Variants in TGM5 observed in about 807,000 individuals in gnomAD.
TGM5 encodes protein-glutamine gamma-glutamyltransferase 5.
In TGM5, 69 loss-of-function variants were observed where a neutral mutation model predicts 77.2. That is an observed-to-expected ratio of 0.89 (90% CI 0.74 to 1.09). TGM5 has a LOEUF of 1.09. Among genes scored for constraint, TGM5 ranks in the 50% least tolerant of loss-of-function variants. The pLI, the probability that TGM5 is intolerant of heterozygous loss-of-function variation, is 0.00. For synonymous variants in TGM5, 346 were observed against 351.8 expected (o/e 0.98, Z 0.18); for missense variants, 842 against 896.5 (o/e 0.94, Z 0.78).
rs777533545 is a variant in TGM5, at chr15:43,240,819, G to A, written c.1001+33C>T. On this transcript the variant is annotated intron_variant, in intron 7 of 12. Coordinates refer to ENST00000220420, the MANE Select transcript of TGM5 (RefSeq NM_201631.4). ...CCATGGGGCTTGGCTCTGATGTGTG[G>A]CCCTAGAAATAGGTTGAGAGGTTGT... 3.1e-6 allele frequency: 5 copies of A among 1,613,520 alleles called. No individual in the cohort carries two copies. The Admixed American group carries it at 6.7e-5, about 22-fold the overall frequency.
chr15:43,255,972 T>G (rs2042739539), intron 4 of TGM5, among the ~76,000 whole-genome samples: 1 of 152,264 alleles, frequency 6.6e-6, no homozygotes, highest in African/African-American at 2.4e-5. Context: ...GTATCCATTT[T>G]TGTAATGTCT....
At position 43,235,777 on chromosome 15, in the gene TGM5, AAGCTTCTAGCCTTC is replaced by A; in HGVS notation, c.1392_1405del (p.Lys465ProfsTer34). On this transcript the variant is annotated frameshift_variant, in exon 10 of 13. Transcript: ENST00000220420. LOFTEE classifies it high-confidence loss of function. ...CTCTGCTCCTCTTTGGGAGCCATGG[AAGCTTCTAGCCTTC>A]AGCTTCTGCAGAGCCTTCAGAAACA... 6.2e-7 allele frequency: 1 copy of A among 1,614,120 alleles called. No individual in the cohort carries two copies. Among genetic ancestry groups the A allele is most frequent in the Non-Finnish European group, 8.5e-7 (1 of 1,180,010 alleles).
rs138702942 is a variant in TGM5, at chr15:43,234,840, C to G, written c.1804G>C (p.Glu602Gln). The G allele has an allele frequency of 6.2e-7, 1 of 1,614,096 alleles. No homozygotes were observed. The highest frequency in any genetic ancestry group is 8.5e-7 in the Non-Finnish European group (1 of 1,180,052). ...AGGATTTTCTCAGGACTGCTTTTCT[C>G]TTCACCCAGGGCACTGATGCGGATC... ...KLIRISALGE[E>Q]KSSPEKILVN... Residue 602 changes from glutamate (E) to glutamine (Q), a missense_variant, in exon 11 of 13, where the codon GAG (glutamate) becomes CAG (glutamine). By Grantham distance (29) the Glu-to-Gln change is conservative (BLOSUM62 2). Around this residue, in one of 2 missense-constraint regions of TGM5, gnomAD observed 815 missense variants for 844.6 expected, o/e 0.96. Coordinates refer to ENST00000220420, the MANE Select transcript of TGM5 (RefSeq NM_201631.4).
intron 6 of TGM5, 103 bp from the exon 7 acceptor site, chr15:43,241,093 CT>C (rs1352823675): frequency 1.4e-6 from 2 of 1,476,182 alleles, no homozygotes; most frequent in Non-Finnish European, 9.3e-7. Flanking sequence ...CATTTGCCAT[CT>C]GCAGGAACAT....
In TGM5 at chr15:43,235,471, T is replaced by A; in HGVS notation, c.1712A>T (p.Glu571Val). The part of the protein sequence containing the change: ...DTAFITLSPK[E>V]AKTYPCKISY... ...ACACAAACTGTGCACATGCGTACCTTCTTTAGGAGAGAGTGTGATGAACGC... is the reference window on the plus strand; with the variant it reads ...ACACAAACTGTGCACATGCGTACCTACTTTAGGAGAGAGTGTGATGAACGC... Residue 571 changes from glutamate to valine, a missense_variant and splice_region_variant, in exon 10 of 13, where the codon GAA (glutamate) becomes GTA (valine). By Grantham distance (121) the Glu-to-Val change is moderately radical (BLOSUM62 -2). This residue lies in a region of TGM5 where 815 missense variants were observed against 844.6 expected (regional missense o/e 0.96). Transcript: ENST00000220420. 1 of 1,614,088 alleles carries A rather than the reference T, an allele frequency of 6.2e-7. No homozygotes were observed. The highest frequency in any genetic ancestry group is 8.5e-7 in the Non-Finnish European group (1 of 1,180,008).
At chr15:43,249,379 AT>A (rs2042689591) in intron 6 of TGM5, among the ~76,000 whole-genome samples, 1 of 152,176 alleles carries the variant, frequency 6.6e-6, no homozygotes. Context: ...ACTCCAAAAC[AT>A]TTTCACCTCA....
chr15:43,241,754 C>G (rs144823602), intron 6 of TGM5, among the ~76,000 whole-genome samples: 1 of 152,242 alleles, frequency 6.6e-6, no homozygotes, highest in African/African-American at 2.4e-5. Context: ...CTGCCTCAGC[C>G]CCCTGAGTAG....
intron 3 of TGM5, 145 bp downstream of exon 3, chr15:43,259,907 G>T (rs1704865096): frequency 3.7e-6 from 4 of 1,091,472 alleles, no homozygotes; most frequent in African/African-American, 1.6e-5. Flanking sequence ...TGCCCTGATT[G>T]GTGGTAGTTG....
intron 1 of TGM5, among the ~76,000 whole-genome samples, chr15:43,261,081 T>TTG (rs2042784525): frequency 1.1e-5 from 1 of 94,686 alleles, no homozygotes; most frequent in African/African-American, 5.1e-5. Flanking sequence ...TGTGTGTTTT[T>TTG]TTTTTTTTTT....
chr15:43,265,944 A>G (rs12909095), intron 1 of TGM5, among the ~76,000 whole-genome samples: 29,035 of 152,042 alleles, frequency 0.19, 3,029 homozygotes, highest in Middle Eastern at 0.29. Flanking sequence ...ATATACATAC[A>G]ATATGATGAT....
chr15:43,235,537 A>T lies in TGM5; in HGVS notation c.1646T>A (p.Leu549Gln). Residue 549 changes from leucine (L) to glutamine (Q), a missense_variant, in exon 10 of 13, where the codon CTG (leucine) becomes CAG (glutamine). Transcript: ENST00000220420. ...TGGGGACAGGGGGCTGCCATCGTGC[A>T]GCAGAGACTGGGCACTCAGGTTCAC... The part of the protein sequence containing the change: ...LKVNLSAQSL[L>Q]HDGSPLSPFW... 1 of 1,614,216 alleles carries T rather than the reference A, an allele frequency of 6.2e-7. No individual in the cohort carries two copies. Among genetic ancestry groups the T allele is most frequent in the Non-Finnish European group, 8.5e-7 (1 of 1,180,022 alleles).
chr15:43,256,982 G>A (rs1443563266), intron 3 of TGM5, among the ~76,000 whole-genome samples: 1 of 152,212 alleles, frequency 6.6e-6, no homozygotes, highest in African/African-American at 2.4e-5. Flanking sequence ...GAGTGATTAA[G>A]TAAATTGCCC....
chr15:43,258,548 G>A (rs2042760239), intron 3 of TGM5, among the ~76,000 whole-genome samples: 1 of 152,214 alleles, frequency 6.6e-6, no homozygotes, highest in African/African-American at 2.4e-5. Context: ...CAGCCTGATA[G>A]GAGGCTGGTG....
chr15:43,258,672 G>A (rs2042761074), intron 3 of TGM5, among the ~76,000 whole-genome samples: 1 of 152,204 alleles, frequency 6.6e-6, no homozygotes, highest in African/African-American at 2.4e-5. Context: ...AGGGCCAGCA[G>A]TGGCCTGAGC....
At chr15:43,249,055 A>G (rs1178610728) in intron 6 of TGM5, among the ~76,000 whole-genome samples, 1 of 151,448 alleles carries the variant, frequency 6.6e-6, no homozygotes, top group Non-Finnish European at 1.5e-5. Flanking sequence ...ACCCTTTCCT[A>G]CCTCCCCTTC....
intron 3 of TGM5, 147 bp downstream of exon 3, chr15:43,259,905 T>TTGG: frequency 9.3e-7 from 1 of 1,070,666 alleles, no homozygotes. Flanking sequence ...CCTGCCCTGA[T>TTGG]TGGTGGTAGT....
chr15:43,239,132 C>A, intron 8 of TGM5, 31 bp downstream of exon 8: 1 of 1,613,996 alleles, frequency 6.2e-7, no homozygotes, highest in Non-Finnish European at 8.5e-7. Context: ...TCCACGGGAG[C>A]GGGGCCTGCC....
At chr15:43,234,521 G>T (rs936712796) in intron 11 of TGM5, among the ~76,000 whole-genome samples, 1 of 152,214 alleles carries the variant, frequency 6.6e-6, no homozygotes, top group South Asian at 2.1e-4. Flanking sequence ...CAGCAGGAGG[G>T]GCACAAGAGG....
chr15:43,235,927 CCAA>C (rs945620519), intron 9 of TGM5, 90 bp from the exon 10 acceptor site: 2 of 1,568,892 alleles, frequency 1.3e-6, no homozygotes, highest in African/African-American at 2.7e-5. Flanking sequence ...AATATCTCCA[CCAA>C]CAACTTCAGG....
Sources: allele counts gnomAD v4.1 joint callset (sites outside exome capture counted in the v4.1 genomes callset), GRCh38; gene constraint gnomAD v4.1.1; regional missense constraint gnomAD v4.1.1; transcripts MANE v1.5; gene names NCBI Gene and HGNC (gene_info 2026-07-23, HGNC 2026-07-21).